PCM1: variants seen among roughly 807,000 people sequenced by gnomAD.
PCM1 encodes the protein pericentriolar material 1 protein.
PCM1 carries 157 observed loss-of-function variants against 241.9 expected under a neutral mutation model. The observed-to-expected ratio is 0.65, with a 90% CI of 0.57 to 0.74. PCM1 has a LOEUF of 0.74. Ranked by LOEUF, PCM1 falls within the 30% of genes least tolerant of loss-of-function variation. The pLI is 0.00. For synonymous variants in PCM1, 1,085 were observed against 784.9 expected (o/e 1.38, Z -6.39); for missense variants, 3,478 against 2,360.1 (o/e 1.47, Z -9.81).
At position 18,028,582 on chromosome 8, in the gene PCM1, T is replaced by A. The variant is rs930025017; in HGVS notation, c.*920T>A. 1.9e-5 allele frequency: 4 copies of A among 206,586 alleles called. No individual in the cohort carries two copies. In the East Asian group the frequency reaches 2.2e-4, roughly 11 times the overall value. The allele number at this position is 206,586 out of a possible 1,614,324, so 12.8% of individuals were successfully genotyped here. Reference sequence around the variant, plus strand: ...AAAGCCAAAGCATAGCAGTTTCTTTTGTGTGTAGTGAGGTTGAAGCAGATT... The same window carrying A: ...AAAGCCAAAGCATAGCAGTTTCTTTAGTGTGTAGTGAGGTTGAAGCAGATT... On this transcript the variant is annotated 3_prime_UTR_variant, in exon 39 of 39. Transcript: ENST00000325083.
In PCM1 at chr8:17,934,496, A is replaced by G. The variant is rs571556923; in HGVS notation, c.-22-1093A>G. On this transcript the variant is annotated intron_variant, in intron 2 of 38. Transcript: ENST00000325083. ...GGCTGGTCTTGAACTCCTGACCTCA[A>G]GTGATCCGCTTACCTCAGCTTCTCA... Among the ~76,000 whole-genome samples, 7 of 152,224 alleles carry G rather than the reference A, an allele frequency of 4.6e-5. No homozygotes were observed. The East Asian group carries it at 1.4e-3, about 29-fold the overall frequency.
At chr8:17,967,548 TC>T (rs1407367288) in intron 21 of PCM1, among the ~76,000 whole-genome samples, 2 of 152,222 alleles carry the variant, frequency 1.3e-5, no homozygotes, top group African/African-American at 4.8e-5. Context: ...CCTCAGGTGA[TC>T]CACCTGCCTT....
intron 29 of PCM1, among the ~76,000 whole-genome samples, chr8:17,998,062 C>G (rs933527456): frequency 1.4e-4 from 21 of 151,628 alleles, no homozygotes; most frequent in African/African-American, 5.1e-4. Context: ...ATTCTGAATT[C>G]CCTTCCTGTG....
intron 38 of PCM1, among the ~76,000 whole-genome samples, chr8:18,026,218 G>T (rs13252385): frequency 0.76 from 86,359 of 113,472 alleles, 33,878 homozygotes; most frequent in Middle Eastern, 0.83. Context: ...CATGCCCATG[G>T]TTTAAGAAAG....
intron 4 of PCM1, 39 bp from the exon 5 acceptor site, chr8:17,938,701 G>A: frequency 9.7e-6 from 15 of 1,542,452 alleles, no homozygotes; most frequent in Non-Finnish European, 1.3e-5. Flanking sequence ...TTGTCATAAG[G>A]TTAATGTTTG....
chr8:17,999,239 C>T (rs2088260866), intron 29 of PCM1, among the ~76,000 whole-genome samples: 1 of 152,110 alleles, frequency 6.6e-6, no homozygotes, highest in Non-Finnish European at 1.5e-5. Context: ...GCCATCACAG[C>T]TCAGTATACG....
In PCM1 at chr8:18,028,494, A is replaced by C. The variant is rs1296839472; in HGVS notation, c.*832A>C. ...CAAGTGGGGATAAATAATACAACTAAATTTCTGTAATAGTAAGATTCTGTA... is the reference window on the plus strand; with the variant it reads ...CAAGTGGGGATAAATAATACAACTACATTTCTGTAATAGTAAGATTCTGTA... On this transcript the variant is annotated 3_prime_UTR_variant, in exon 39 of 39. Transcript: ENST00000325083. 2 of 197,658 alleles carry C rather than the reference A, an allele frequency of 1.0e-5. No individual in the cohort carries two copies. The highest frequency in any genetic ancestry group is 6.0e-5 in the Admixed American group (1 of 16,572). 12.2% of individuals were successfully genotyped at this position (197,658 alleles called of 1,614,324 possible).
In PCM1 at chr8:17,972,419, G is replaced by A. The variant is rs1415143675; in HGVS notation, c.3675G>A (p.Lys1225=). 23 of 1,612,140 alleles carry A rather than the reference G, an allele frequency of 1.4e-5. No individual in the cohort carries two copies. The South Asian group carries it at 2.5e-4, about 18-fold the overall frequency. ...GTGAAGTAGAGAAACCATTTATCAAGACTGGATTTTCAGTGTCTGTAGAAA... is the reference window on the plus strand; with the variant it reads ...GTGAAGTAGAGAAACCATTTATCAAAACTGGATTTTCAGTGTCTGTAGAAA... ...QEGEVEKPFI[K]TGFSVSVEKS... is the part of the protein sequence containing the mutation. The change falls in exon 23 of 39, where the codon AAG becomes AAA. Residue 1225 remains lysine, a synonymous_variant. Coordinates refer to ENST00000325083, the MANE Select transcript of PCM1 (RefSeq NM_006197.4).
chr8:17,996,483 T>C (rs530473038), intron 29 of PCM1, among the ~76,000 whole-genome samples: 1 of 152,188 alleles, frequency 6.6e-6, no homozygotes, highest in African/African-American at 2.4e-5. Context: ...TTTGGGTTTT[T>C]TGTCTTTTTT....
At chr8:17,943,965 C>G (rs1225927328) in intron 6 of PCM1, among the ~76,000 whole-genome samples, 4 of 152,114 alleles carry the variant, frequency 2.6e-5, no homozygotes, top group African/African-American at 7.2e-5. Context: ...AGGGCACATT[C>G]CACTTTATGA....
At chr8:17,931,602 G>T (rs2059050930) in intron 2 of PCM1, among the ~76,000 whole-genome samples, 1 of 152,080 alleles carries the variant, frequency 6.6e-6, no homozygotes, top group Admixed American at 6.6e-5. Context: ...TCTATTAATA[G>T]AAAGTATTGC....
Position 17,964,900 on chromosome 8 carries a change from T to G in PCM1, c.2855+132T>G, listed in dbSNP as rs1216564056. The stretch of plus-strand genomic sequence containing the variant: ...TCAATTCAATTTTTACACTAACTAC[T>G]CAGAGTTAGTGCAGACCCCTCAAGT... On this transcript the variant is annotated intron_variant, in intron 18 of 38. Coordinates refer to ENST00000325083, the MANE Select transcript of PCM1 (RefSeq NM_006197.4). 7.5e-6 allele frequency: 5 copies of G among 664,612 alleles called. No individual in the cohort carries two copies. The East Asian group carries it at 1.4e-4, about 18-fold the overall frequency. 41.2% of individuals were successfully genotyped at this position (664,612 alleles called of 1,614,324 possible). A position where few individuals can be genotyped will look rare whatever the true frequency, so the allele number is the denominator to read the frequency against.
chr8:17,928,997 C>G (rs1585498602), intron 2 of PCM1, among the ~76,000 whole-genome samples: 1 of 152,084 alleles, frequency 6.6e-6, no homozygotes, highest in Non-Finnish European at 1.5e-5. Flanking sequence ...ATAAAACTTT[C>G]CTTATGACCG....
In PCM1 at chr8:17,967,047, G is replaced by A. The variant is rs1257052200; in HGVS notation, c.3289G>A (p.Glu1097Lys). ...GCATCCAGAAAAACCTGGAGGCAAGGAAAGAGGCAGTAGTGCATCGCACCC... is the reference window on the plus strand; with the variant it reads ...GCATCCAGAAAAACCTGGAGGCAAGAAAAGAGGCAGTAGTGCATCGCACCC... ...NQHPEKPGGKERGSSASHPPS... is the reference protein window; with the variant it reads ...NQHPEKPGGKKRGSSASHPPS... The change falls in exon 21 of 39, where the codon GAA becomes AAA. Residue 1097 changes from glutamate to lysine, a missense_variant. Transcript: ENST00000325083. The A allele has an allele frequency of 5.0e-6, 8 of 1,609,638 alleles. No homozygotes were observed. The highest frequency in any genetic ancestry group is 1.3e-5 in the African/African-American group (1 of 74,980).
intron 23 of PCM1, among the ~76,000 whole-genome samples, chr8:17,976,209 T>C (rs1375309433): frequency 6.6e-6 from 1 of 152,220 alleles, no homozygotes; most frequent in Admixed American, 6.6e-5. Flanking sequence ...AGACAGTTAT[T>C]AATTACTTAG....
chr8:17,959,919 A>C, intron 13 of PCM1, 95 bp from the exon 14 acceptor site: 1 of 1,164,310 alleles, frequency 8.6e-7, no homozygotes. Flanking sequence ...TAATCTTTTT[A>C]TGTAAATTTT....
chr8:17,993,980 A>T (rs1231617302), intron 29 of PCM1, among the ~76,000 whole-genome samples: 1 of 152,164 alleles, frequency 6.6e-6, no homozygotes, highest in Non-Finnish European at 1.5e-5. Context: ...AATATGTAAT[A>T]ATCACATCAT....
chr8:17,958,153 A>G (rs903846730), intron 13 of PCM1, among the ~76,000 whole-genome samples: 2 of 152,214 alleles, frequency 1.3e-5, no homozygotes, highest in South Asian at 4.1e-4. Flanking sequence ...TTTGCTGACA[A>G]CTCTGGCCTT....
At chr8:17,952,516 A>T (rs1210473925) in intron 8 of PCM1, among the ~76,000 whole-genome samples, 2 of 152,208 alleles carry the variant, frequency 1.3e-5, no homozygotes, top group Admixed American at 6.5e-5. Flanking sequence ...GATTCAACCA[A>T]CCATGGATCA....
Sources: allele counts gnomAD v4.1 joint callset (sites outside exome capture counted in the v4.1 genomes callset), GRCh38; gene constraint gnomAD v4.1.1; transcripts MANE v1.5; gene names NCBI Gene and HGNC (gene_info 2026-07-23, HGNC 2026-07-21).